Variants in NAA40 observed in about 807,000 individuals in gnomAD.
NAA40 encodes N-alpha-acetyltransferase 40.
NAA40 carries 26 observed loss-of-function variants against 36.6 expected under a neutral mutation model. That is an observed-to-expected ratio of 0.71 (90% CI 0.52 to 0.98). NAA40 has a LOEUF of 0.98. NAA40 is among the 50% of genes least tolerant of loss of function. The pLI is 0.00. For synonymous variants in NAA40, 129 were observed against 108.4 expected, an observed-to-expected ratio of 1.19 and a Z score of -1.18; for missense variants, 237 against 306.5, an observed-to-expected ratio of 0.77 and a Z score of 1.69.
chr11:63,953,660 C>T (rs1388484528), intron 6 of NAA40, among the ~76,000 whole-genome samples: 1 of 152,140 alleles, frequency 6.6e-6, no homozygotes, highest in South Asian at 2.1e-4. Context: ...CACCCTGTCA[C>T]CCAGGCTGGA....
intron 1 of NAA40, among the ~76,000 whole-genome samples, chr11:63,940,199 C>T (rs958489413): frequency 3.3e-5 from 5 of 151,840 alleles, no homozygotes; most frequent in Admixed American, 6.6e-5. Flanking sequence ...TACAGGCGCC[C>T]GCTACTATGC....
Position 63,948,011 on chromosome 11 carries a change from C to T in NAA40, c.155+1008C>T, listed in dbSNP as rs529792368. 2.6e-5 allele frequency among the ~76,000 whole-genome samples: 4 copies of T among 152,172 alleles called. No homozygotes were observed. The East Asian group carries it at 7.7e-4, about 29-fold the overall frequency. ...TTGGGATTACAGGTGTGAGCCACTG[C>T]GCCCAGCTAATTTTTGTATTTTTAG... On this transcript the variant is annotated intron_variant, in intron 3 of 7. Coordinates refer to ENST00000377793, the MANE Select transcript of NAA40 (RefSeq NM_024771.4).
intron 2 of NAA40, chr11:63,946,704 G>A: frequency 6.6e-7 from 1 of 1,506,804 alleles, no homozygotes; most frequent in Non-Finnish European, 8.9e-7. Context: ...AGGCTAATGA[G>A]GTCTCCTCTT....
At chr11:63,952,871 G>A in intron 6 of NAA40, 32 bp downstream of exon 6, 2 of 1,590,082 alleles carry the variant, frequency 1.3e-6, no homozygotes, top group East Asian at 2.2e-5. Context: ...GGCCCATATA[G>A]CACTCAGTTG....
intron 7 of NAA40, 45 bp from the exon 8 acceptor site, chr11:63,954,293 A>G: frequency 1.3e-6 from 2 of 1,547,518 alleles, no homozygotes; most frequent in African/African-American, 1.4e-5. Context: ...GGAGGAAGGC[A>G]CTCAGCTGCC....
Position 63,954,338 on chromosome 11 carries a change from A to C in NAA40, c.573A>C (p.Gln191His). ...CCCTTTTCTCCTGCCTGCCTTGCAG[A>C]TTTGAAATTGATGACTCTTCCCCCA... ...GAYQFFREAL[Q>H]FEIDDSSPSM... Residue 191 changes from glutamine (Q) to histidine (H), a missense_variant and splice_region_variant, in exon 8 of 8, where the codon CAA becomes CAC. Transcript: ENST00000377793. The C allele has an allele frequency of 2.5e-6, 4 of 1,586,976 alleles. No individual in the cohort carries two copies. The highest frequency in any genetic ancestry group is 3.4e-6 in the Non-Finnish European group (4 of 1,166,766).
chr11:63,945,808 A>G lies in NAA40; in HGVS notation c.7-32A>G, dbSNP rs1278285396. The G allele has an allele frequency of 1.9e-6, 3 of 1,587,906 alleles. No individual in the cohort carries two copies. The African/African-American group carries it at 4.0e-5, about 21-fold the overall frequency. On this transcript the variant is annotated intron_variant, in intron 1 of 7. Coordinates refer to ENST00000377793, the MANE Select transcript of NAA40 (RefSeq NM_024771.4). ...AGTCAGTGCTTGATTGGCCACAGCC[A>G]TTCCAGCTAACGTTGCTTTTCCCTG...
intron 1 of NAA40, among the ~76,000 whole-genome samples, chr11:63,944,786 C>A (rs1942158787): frequency 6.6e-6 from 1 of 151,896 alleles, no homozygotes; most frequent in African/African-American, 2.4e-5. Context: ...TCCTGTAATC[C>A]CAGCTACTTG....
At chr11:63,949,981 T>G (rs1283146387) in intron 3 of NAA40, among the ~76,000 whole-genome samples, 1 of 151,986 alleles carries the variant, frequency 6.6e-6, no homozygotes, top group Non-Finnish European at 1.5e-5. Flanking sequence ...CCTGACCTTG[T>G]GATCCGCCCG....
At chr11:63,941,482 A>G (rs1340296609) in intron 1 of NAA40, among the ~76,000 whole-genome samples, 2 of 152,196 alleles carry the variant, frequency 1.3e-5, no homozygotes, top group African/African-American at 4.8e-5. Flanking sequence ...ATTGATACTG[A>G]AAATCTAAGA....
rs557602298 is a variant in NAA40, at chr11:63,950,720, C to T, written c.156-1518C>T. On this transcript the variant is annotated intron_variant, in intron 3 of 7. Transcript: ENST00000377793. ...CTCATGATCCGCCCGCCTCGGCCTC[C>T]CAAAGTGCTGGGATTACAGGCGTGA... Among the ~76,000 whole-genome samples, 383 of 152,238 alleles carry T rather than the reference C, an allele frequency of 2.5e-3. 1 individual carries two copies. Among genetic ancestry groups the T allele is most frequent in the African/African-American group, 9.0e-3 (373 of 41,530 alleles).
At chr11:63,953,920 A>AT in intron 6 of NAA40, 52 bp from the exon 7 acceptor site, 1 of 1,527,806 alleles carries the variant, frequency 6.5e-7, no homozygotes, top group Non-Finnish European at 9.0e-7. Flanking sequence ...GCATGCCACC[A>AT]TGCCTGGCCA....
In NAA40 at chr11:63,955,535, A is replaced by G. The variant is rs1442710902; in HGVS notation, c.*1056A>G. The stretch of plus-strand genomic sequence containing the variant: ...CTCCCTCTTCAGAGAGCCCCCAGCC[A>G]GCAGCAGGCCCCTCTGCCTGCACTC... On this transcript the variant is annotated 3_prime_UTR_variant, in exon 8 of 8. Transcript: ENST00000377793. 3 of 152,914 alleles carry G rather than the reference A, an allele frequency of 2.0e-5. No homozygotes were observed. In the East Asian group the frequency reaches 5.8e-4, roughly 29 times the overall value. The allele number at this position is 152,914 out of a possible 1,614,324, so 9.5% of individuals were successfully genotyped here.
rs1215797302 is a variant in NAA40 at position 63,939,058 on chromosome 11, A to G, written c.-39A>G. 2.5e-6 allele frequency: 4 copies of G among 1,596,950 alleles called. No homozygotes were observed. Among genetic ancestry groups the G allele is most frequent in the Non-Finnish European group, 3.4e-6 (4 of 1,172,696 alleles). On this transcript the variant is annotated 5_prime_UTR_variant, in exon 1 of 8. Transcript: ENST00000377793. Reference sequence around the variant, plus strand: ...CCGCCGTTGCCGCCTCCCTGCCGGCAAGTGTGTGAAGAAGAAGCTGAGCGT... The same window carrying G: ...CCGCCGTTGCCGCCTCCCTGCCGGCGAGTGTGTGAAGAAGAAGCTGAGCGT...
At chr11:63,944,202 C>T (rs1942150362) in intron 1 of NAA40, among the ~76,000 whole-genome samples, 1 of 152,172 alleles carries the variant, frequency 6.6e-6, no homozygotes, top group Non-Finnish European at 1.5e-5. Context: ...GAGAACTTCC[C>T]CAGCATCTGG....
intron 1 of NAA40, among the ~76,000 whole-genome samples, chr11:63,945,548 G>A (rs1301376983): frequency 1.3e-5 from 2 of 152,140 alleles, no homozygotes; most frequent in Admixed American, 6.5e-5. Context: ...CTGGGGGCTG[G>A]CCTGCTGTAG....
intron 3 of NAA40, among the ~76,000 whole-genome samples, chr11:63,949,634 T>C (rs1257053544): frequency 6.6e-6 from 1 of 152,090 alleles, no homozygotes; most frequent in Non-Finnish European, 1.5e-5. Context: ...TCTGGGGGAT[T>C]GAATTGTAGC....
intron 1 of NAA40, among the ~76,000 whole-genome samples, chr11:63,940,816 C>T (rs896865491): frequency 6.6e-6 from 1 of 152,042 alleles, no homozygotes; most frequent in African/African-American, 2.4e-5. Context: ...TTGGGTATTA[C>T]GTACTTCATA....
chr11:63,949,461 C>T (rs191227352), intron 3 of NAA40, among the ~76,000 whole-genome samples: 7 of 152,080 alleles, frequency 4.6e-5, no homozygotes, highest in Non-Finnish European at 1.0e-4. Context: ...TTTGCTGTTA[C>T]TATTACTGAT....
Sources: gnomAD v4.1 joint callset for allele counts (sites outside exome capture counted in the v4.1 genomes callset) on GRCh38, gnomAD v4.1.1 for gene constraint, MANE v1.5 for transcripts, NCBI Gene and HGNC (gene_info 2026-07-23, HGNC 2026-07-21) for gene names.